The following FAT4 variants were observed in gnomAD, a reference collection of about 807,000 sequenced individuals.
FAT4 encodes protocadherin Fat 4.
A neutral mutation model predicts 303.9 loss-of-function variants in FAT4; 84 were observed. The ratio of observed to expected loss-of-function variants is 0.28; its 90% CI spans 0.23 to 0.33. The LOEUF (loss-of-function observed/expected upper bound fraction) is 0.33, where lower values mean the gene tolerates loss of function less well. FAT4 is among the 10% of genes least tolerant of loss of function. FAT4 has a pLI of 1.00. For synonymous variants in FAT4, 2,307 were observed against 2,298.8 expected (o/e 1.00, Z -0.10); for missense variants, 6,005 against 6,146.8 (o/e 0.98, Z 0.77).
Position 125,321,249 on chromosome 4 carries a change from CGACCACTGAATT to C in FAT4, c.4844_4855del (p.Thr1615_Thr1618del). The C allele has an allele frequency of 6.2e-7, 1 of 1,614,132 alleles. No homozygotes were observed. The highest frequency in any genetic ancestry group is 8.5e-7 in the Non-Finnish European group (1 of 1,179,986). Reference sequence around the variant, plus strand: ...GACCTTGGGCCTGAAAGGAGGAAATCGACCACTGAATTGACCATCATTCTTCAGGGCCTTGAT... The same window carrying C: ...GACCTTGGGCCTGAAAGGAGGAAATCGACCATCATTCTTCAGGGCCTTGAT... On this transcript the variant is annotated inframe_deletion, in exon 2 of 18. Coordinates refer to ENST00000394329, the MANE Select transcript of FAT4 (RefSeq NM_001291303.3).
At chr4:125,417,654 A>G (rs6840220) in intron 7 of FAT4, among the ~76,000 whole-genome samples, 190 of 152,290 alleles carry the variant, frequency 1.2e-3, no homozygotes, top group Middle Eastern at 0.01. Context: ...CTGTCACTCA[A>G]AGCTTTAAAA....
Position 125,487,281 on chromosome 4 carries a change from G to C in FAT4, c.12823-64G>C, listed in dbSNP as rs1480117974. ...TGGTCAAAAATTTAAGTTTAGTTTT[G>C]TTAATGATTTTTATTTAAGCATACC... is the stretch of plus-strand genomic sequence containing the variant. On this transcript the variant is annotated intron_variant, in intron 16 of 17. Coordinates refer to ENST00000394329, the MANE Select transcript of FAT4 (RefSeq NM_001291303.3). The C allele has an allele frequency of 2.7e-6, 4 of 1,494,284 alleles. No homozygotes were observed. The East Asian group carries it at 7.1e-5, about 26-fold the overall frequency. 92.6% of individuals were successfully genotyped at this position (1,494,284 alleles called of 1,614,324 possible).
chr4:125,372,349 G>A (rs138679906), intron 2 of FAT4, among the ~76,000 whole-genome samples: 160 of 143,986 alleles, frequency 1.1e-3, no homozygotes, highest in Admixed American at 5.0e-3. Flanking sequence ...ATGGCATAGA[G>A]TGAGACCCTG....
In FAT4 at chr4:125,407,124, C is replaced by T. The variant is rs138655912; in HGVS notation, c.5552C>T (p.Pro1851Leu). The change falls in exon 4 of 18, where the codon CCT becomes CTT. Residue 1851 changes from proline to leucine, a missense_variant. Transcript: ENST00000394329. ...AGACCCGTGTACTCTTTTGACATTC[C>T]TGAGGACACAATCCCTGGTAGGTGA... Reference protein sequence around the residue: ...FSRPVYSFDIPEDTIPGSLVA... With the variant: ...FSRPVYSFDILEDTIPGSLVA... 101 of 1,611,844 alleles carry T rather than the reference C, an allele frequency of 6.3e-5. No homozygotes were observed. The African/African-American group carries it at 1.2e-3, about 19-fold the overall frequency.
chr4:125,481,577 A>T lies in FAT4; in HGVS notation c.12661A>T (p.Met4221Leu). The change falls in exon 16 of 18, where the codon ATG (methionine) becomes TTG (leucine). Residue 4221 changes from methionine (M) to leucine (L), a missense_variant. Coordinates refer to ENST00000394329, the MANE Select transcript of FAT4 (RefSeq NM_001291303.3). ...LEGKGRLDYH[M>L]SQNEKREYLL... ...AGGCAAAGGGCGCTTGGACTACCAC[A>T]TGAGTCAGAATGAGAAGCGGGAATA... 6.2e-7 allele frequency: 1 copy of T among 1,614,036 alleles called. No individual in the cohort carries two copies. Among genetic ancestry groups the T allele is most frequent in the Middle Eastern group, 1.6e-4 (1 of 6,062 alleles).
chr4:125,421,267 A>G (rs1578624581), intron 7 of FAT4, among the ~76,000 whole-genome samples: 2 of 152,186 alleles, frequency 1.3e-5, no homozygotes, highest in Admixed American at 1.3e-4. Context: ...CCCAAAGCAA[A>G]CAATTGTGAA....
chr4:125,409,915 A>G (rs1734779025), intron 5 of FAT4, among the ~76,000 whole-genome samples: 1 of 152,148 alleles, frequency 6.6e-6, no homozygotes. Context: ...TTGAAGAAGA[A>G]ATAGGTCTCT....
At position 125,368,789 on chromosome 4, in the gene FAT4, C is replaced by T. The variant is rs144692396; in HGVS notation, c.5176-29995C>T. On this transcript the variant is annotated intron_variant, in intron 2 of 17. Coordinates refer to ENST00000394329, the MANE Select transcript of FAT4 (RefSeq NM_001291303.3). ...AGTTGGCTTCTAGCCATAAGCCTGC[C>T]GAGGAATTCTTACGAGAATTTCTGG... is the stretch of plus-strand genomic sequence containing the variant. Among the ~76,000 whole-genome samples, 698 of 151,860 alleles carry T rather than the reference C, an allele frequency of 4.6e-3. 4 individuals carry two copies. The highest frequency in any genetic ancestry group is 0.016 in the African/African-American group (650 of 41,458).
At position 125,318,373 on chromosome 4, in the gene FAT4, C is replaced by T. The variant is rs879016380; in HGVS notation, c.1962C>T (p.Phe654=). Residue 654 remains phenylalanine (F), a synonymous_variant, in exon 2 of 18, where the codon TTC becomes TTT. Transcript: ENST00000394329. ...ISSLDREEQA[F]YSLLVLATDL... ...CCTTGGACAGAGAAGAGCAAGCCTT[C>T]TACTCCCTGTTGGTTCTGGCCACAG... 6.2e-7 allele frequency: 1 copy of T among 1,614,194 alleles called. No homozygotes were observed. Among genetic ancestry groups the T allele is most frequent in the East Asian group, 2.2e-5 (1 of 44,866 alleles).
chr4:125,320,883 T>C lies in FAT4; in HGVS notation c.4472T>C (p.Leu1491Pro). 6.2e-7 allele frequency: 1 copy of C among 1,614,204 alleles called. No homozygotes were observed. Among genetic ancestry groups the C allele is most frequent in the Non-Finnish European group, 8.5e-7 (1 of 1,180,012 alleles). Residue 1491 changes from leucine (L) to proline (P), a missense_variant, in exon 2 of 18, where the codon CTC becomes CCC. Physicochemically the swap from Leu to Pro is moderately conservative, Grantham distance 98 (BLOSUM62 -3). Transcript: ENST00000394329. ...NAEIDREFAN[L>P]FELTVKANDQ... ...GAAATAGATCGGGAATTTGCTAATC[T>C]CTTTGAGTTGACTGTAAAAGCCAAT... is the stretch of plus-strand genomic sequence containing the variant.
chr4:125,464,639 G>A (rs1342467481), intron 11 of FAT4, among the ~76,000 whole-genome samples: 1 of 151,960 alleles, frequency 6.6e-6, no homozygotes, highest in Non-Finnish European at 1.5e-5. Context: ...ATTTACATTA[G>A]GTATTTCTCC....
intron 5 of FAT4, among the ~76,000 whole-genome samples, chr4:125,411,826 C>T (rs530124435): frequency 7.9e-6 from 1 of 126,420 alleles, no homozygotes; most frequent in South Asian, 2.7e-4. Context: ...TAGATATCTA[C>T]ATATCTATAT....
Position 125,491,027 on chromosome 4 carries a change from T to G in FAT4, c.14211T>G (p.Gly4737=). The part of the protein sequence containing the change: ...IRDGNTLEMH[G]DTCQPGIFNY... The stretch of plus-strand genomic sequence containing the variant: ...ATGGTAATACTTTGGAAATGCATGG[T>G]GACACCTGCCAACCTGGCATTTTCA... Residue 4737 remains glycine (G), a synonymous_variant, in exon 18 of 18, where the codon GGT becomes GGG. Transcript: ENST00000394329. 1 of 1,614,180 alleles carries G rather than the reference T, an allele frequency of 6.2e-7. No individual in the cohort carries two copies. The highest frequency in any genetic ancestry group is 8.5e-7 in the Non-Finnish European group (1 of 1,180,024).
At chr4:125,436,054 G>A (rs545745422) in intron 8 of FAT4, among the ~76,000 whole-genome samples, 3 of 149,162 alleles carry the variant, frequency 2.0e-5, no homozygotes, top group Non-Finnish European at 3.0e-5. Context: ...GTCGGGGGAG[G>A]GGGGGAGGGA....
chr4:125,402,765 T>A (rs1734438096), intron 3 of FAT4, among the ~76,000 whole-genome samples: 1 of 152,050 alleles, frequency 6.6e-6, no homozygotes, highest in Admixed American at 6.6e-5. Context: ...CAGCTTTACA[T>A]GCCTATACAC....
chr4:125,415,318 A>G lies in FAT4; in HGVS notation c.6355A>G (p.Asn2119Asp), dbSNP rs201039689. ...AGAACTGGACAGAGAAGAAGTTTCT[A>G]ATTATACTCTAACAGTGGTGGCTAC... ...TGELDREEVS[N>D]YTLTVVATDK... The change falls in exon 6 of 18, where the codon AAT (asparagine) becomes GAT (aspartate). Residue 2119 changes from asparagine (N) to aspartate (D), a missense_variant. Asn to Asp is a conservative substitution (Grantham distance 23). Transcript: ENST00000394329. 1.2e-6 allele frequency: 2 copies of G among 1,614,034 alleles called. No homozygotes were observed. The highest frequency in any genetic ancestry group is 1.3e-5 in the African/African-American group (1 of 75,032).
chr4:125,443,595 A>G (rs770198112), intron 8 of FAT4, among the ~76,000 whole-genome samples: 1 of 152,206 alleles, frequency 6.6e-6, no homozygotes, highest in African/African-American at 2.4e-5. Flanking sequence ...AAACTAAACT[A>G]TAAGGATAGT....
At chr4:125,396,568 ATACT>A (rs1394649904) in intron 2 of FAT4, among the ~76,000 whole-genome samples, 3 of 152,020 alleles carry the variant, frequency 2.0e-5, no homozygotes, top group Admixed American at 6.6e-5. Context: ...ACACCCACAC[ATACT>A]TACATAAACA....
At chr4:125,401,383 C>G (rs1734381450) in intron 3 of FAT4, among the ~76,000 whole-genome samples, 1 of 151,838 alleles carries the variant, frequency 6.6e-6, no homozygotes, top group Admixed American at 6.6e-5. Context: ...CTCCTTACCT[C>G]TTAGCCAAAT....
Sources: allele counts gnomAD v4.1 joint callset (sites outside exome capture counted in the v4.1 genomes callset), GRCh38; gene constraint gnomAD v4.1.1; transcripts MANE v1.5; gene names NCBI Gene and HGNC (gene_info 2026-07-23, HGNC 2026-07-21).